The following PRSS3 variants were observed in gnomAD, a reference collection of about 807,000 sequenced individuals.
PRSS3 encodes trypsin-3.
PRSS3 carries 14 observed loss-of-function variants against 20.8 expected under a neutral mutation model. That is an observed-to-expected ratio of 0.67 (90% confidence interval 0.44 to 1.05). The LOEUF (loss-of-function observed/expected upper bound fraction) is 1.05. Ranked by LOEUF, PRSS3 falls within the 50% of genes least tolerant of loss-of-function variation. PRSS3 has a pLI of 0.00. For missense variants in PRSS3, 237 were observed against 306.4 expected, an observed-to-expected ratio of 0.77 and a Z score of 1.69; for synonymous variants, 91 against 117.6, an observed-to-expected ratio of 0.77 and a Z score of 1.46.
rs562824023 is a variant in PRSS3 at position 33,764,076 on chromosome 9, G to C, written c.-53+13349G>C. Among the ~76,000 whole-genome samples, 24 of 152,286 alleles carry C rather than the reference G, an allele frequency of 1.6e-4. No individual in the cohort carries two copies. In the East Asian group the frequency reaches 2.5e-3, roughly 16 times the overall value. The stretch of plus-strand genomic sequence containing the variant: ...GCTATAGGCAAGGTCCTTCTGTAAA[G>C]AGTTGATGAAATCTACTTTTAAGAG... On this transcript the variant is annotated intron_variant, in intron 1 of 5. Coordinates refer to the PRSS3 transcript ENST00000342836.
chr9:33,788,972 T>C (rs1824521017), intron 1 of PRSS3, among the ~76,000 whole-genome samples: 1 of 152,202 alleles, frequency 6.6e-6, no homozygotes, highest in South Asian at 2.1e-4. Flanking sequence ...TCATCTAAAT[T>C]ATATTAATTT....
At chr9:33,767,853 A>ACAGACG (rs1823507667) in intron 1 of PRSS3, among the ~76,000 whole-genome samples, 1 of 152,054 alleles carries the variant, frequency 6.6e-6, no homozygotes, top group Admixed American at 6.6e-5. Context: ...AGACACAGAC[A>ACAGACG]CACACAGAAA....
In PRSS3 at chr9:33,799,156, G is replaced by A; in HGVS notation, c.720G>A (p.Lys240=). The change falls in exon 5 of 5, where the codon AAG becomes AAA. Residue 240 remains lysine, a synonymous_variant. Coordinates refer to ENST00000379405, the MANE Select transcript of PRSS3 (RefSeq NM_002771.4). ...TCTACAACTATGTGGACTGGATTAA[G>A]GACACCATCGCTGCCAACAGCTAAA... ...TKVYNYVDWI[K]DTIAANS 3 of 1,614,160 alleles carry A rather than the reference G, an allele frequency of 1.9e-6. No individual in the cohort carries two copies. The highest frequency in any genetic ancestry group is 2.5e-6 in the Non-Finnish European group (3 of 1,180,018).
At chr9:33,771,022 C>T (rs925011707) in intron 1 of PRSS3, among the ~76,000 whole-genome samples, 12 of 152,156 alleles carry the variant, frequency 7.9e-5, no homozygotes, top group Non-Finnish European at 1.2e-4. Context: ...TGGTGGCTGC[C>T]TGCTGGACAC....
chr9:33,774,770 G>T (rs1274454714), intron 1 of PRSS3, among the ~76,000 whole-genome samples: 3 of 152,126 alleles, frequency 2.0e-5, no homozygotes, highest in Non-Finnish European at 4.4e-5. Flanking sequence ...TGGATCACTT[G>T]AGGTCAGGAG....
At position 33,798,972 on chromosome 9, in the gene PRSS3, A is replaced by T. The variant is rs542493635; in HGVS notation, c.592-56A>T. ...GTCTTTTAAGGTTCACAGTAAATGT[A>T]GCTATATTCCTCCTCCATCTCTCTC... is the stretch of plus-strand genomic sequence containing the variant. On this transcript the variant is annotated intron_variant, in intron 4 of 4. Transcript: ENST00000379405. The T allele has an allele frequency of 9.5e-6, 15 of 1,582,192 alleles. No individual in the cohort carries two copies. The African/African-American group carries it at 1.8e-4, about 18-fold the overall frequency.
intron 1 of PRSS3, among the ~76,000 whole-genome samples, chr9:33,757,905 A>G (rs1823025425): frequency 6.6e-6 from 1 of 152,220 alleles, no homozygotes; most frequent in Admixed American, 6.5e-5. Context: ...ATAAGAAAAC[A>G]AACTTGAAAG....
chr9:33,771,787 T>C (rs1197268129), intron 1 of PRSS3, among the ~76,000 whole-genome samples: 1 of 151,402 alleles, frequency 6.6e-6, no homozygotes, highest in Non-Finnish European at 1.5e-5. Flanking sequence ...TTTTTTTCTT[T>C]TCTTTTCTTT....
upstream of PRSS3, among the ~76,000 whole-genome samples, chr9:33,791,310 C>A (rs537368298): frequency 6.6e-6 from 1 of 152,138 alleles, no homozygotes; most frequent in Non-Finnish European, 1.5e-5. Flanking sequence ...TGTGCTGGTG[C>A]CTGTGTGGAT....
chr9:33,796,176 C>G (rs1824921893), intron 1 of PRSS3, among the ~76,000 whole-genome samples: 1 of 152,230 alleles, frequency 6.6e-6, no homozygotes, highest in Non-Finnish European at 1.5e-5. Context: ...GCCCTCAACT[C>G]TGCCCTCACT....
chr9:33,798,679 A>G (rs988250807), intron 4 of PRSS3, 57 bp downstream of exon 4: 2 of 1,609,532 alleles, frequency 1.2e-6, no homozygotes, highest in Non-Finnish European at 8.5e-7. Flanking sequence ...CCCACCGGGG[A>G]AAAAGATTTG....
chr9:33,775,202 G>C (rs1406356449), intron 1 of PRSS3, among the ~76,000 whole-genome samples: 1 of 152,066 alleles, frequency 6.6e-6, no homozygotes, highest in African/African-American at 2.4e-5. Context: ...AAAACTACTA[G>C]ATCTTTAGGC....
intron 1 of PRSS3, among the ~76,000 whole-genome samples, chr9:33,761,662 C>T (rs1262882253): frequency 2.6e-5 from 4 of 151,914 alleles, no homozygotes; most frequent in Admixed American, 6.6e-5. Context: ...GCTGAGATCA[C>T]GCCATTGCAC....
At position 33,783,287 on chromosome 9, in the gene PRSS3, G is replaced by T. The variant is rs544178696; in HGVS notation, c.-52-11459G>T. ...TAATTTAGTAGGTTACACAGTGTAT[G>T]CATTTGTCAAAACTTGTTTAACAGT... is the stretch of plus-strand genomic sequence containing the variant. On this transcript the variant is annotated intron_variant, in intron 1 of 5. Coordinates refer to the PRSS3 transcript ENST00000342836. Among the ~76,000 whole-genome samples, 12 of 152,338 alleles carry T rather than the reference G, an allele frequency of 7.9e-5. No individual in the cohort carries two copies. The Middle Eastern group carries it at 0.01, about 130-fold the overall frequency.
chr9:33,756,462 T>C (rs1405201060), intron 1 of PRSS3, among the ~76,000 whole-genome samples: 7 of 152,210 alleles, frequency 4.6e-5, no homozygotes, highest in Non-Finnish European at 1.0e-4. Context: ...AATTACATTC[T>C]TCGGTTCTGA....
chr9:33,772,109 T>C (rs566038768), intron 1 of PRSS3, among the ~76,000 whole-genome samples: 2 of 151,966 alleles, frequency 1.3e-5, no homozygotes, highest in South Asian at 4.2e-4. Context: ...TGACCTCAGG[T>C]GATCCACCCA....
upstream of PRSS3, among the ~76,000 whole-genome samples, chr9:33,792,267 G>A (rs760098): frequency 0.72 from 109,528 of 151,922 alleles, 39,578 homozygotes; most frequent in East Asian, 0.82. Context: ...GATAAAGGAT[G>A]CTGGAACCCA....
intron 1 of PRSS3, among the ~76,000 whole-genome samples, chr9:33,783,086 A>G (rs766498982): frequency 7.9e-5 from 12 of 152,194 alleles, no homozygotes; most frequent in Non-Finnish European, 1.8e-4. Context: ...AATCTTAAAA[A>G]CGTTATTCTG....
rs370233404 is a variant in PRSS3, at chr9:33,796,734, C to T, written c.132C>T (p.Gly44=). The T allele has an allele frequency of 5.6e-5, 90 of 1,613,892 alleles. No individual in the cohort carries two copies. The highest frequency in any genetic ancestry group is 5.6e-5 in the Non-Finnish European group (66 of 1,179,858). The change falls in exon 2 of 5, where the codon GGC becomes GGT. Residue 44 remains glycine (G), a synonymous_variant. Coordinates refer to ENST00000379405, the MANE Select transcript of PRSS3 (RefSeq NM_002771.4). ...CCTACCAGGTGTCCCTGAATTCTGG[C>T]TCCCACTTCTGCGGTGGCTCCCTCA... ...SLPYQVSLNS[G]SHFCGGSLIS... is the part of the protein sequence containing the mutation.
Sources: allele counts gnomAD v4.1 joint callset (sites outside exome capture counted in the v4.1 genomes callset), GRCh38; gene constraint gnomAD v4.1.1; transcripts MANE v1.5; gene names NCBI Gene and HGNC (gene_info 2026-07-23, HGNC 2026-07-21).